Variants in ITGAE observed in about 807,000 individuals in gnomAD.
ITGAE encodes integrin alpha-E.
A neutral mutation model predicts 136.5 loss-of-function variants in ITGAE; 99 were observed. The ratio of observed to expected loss-of-function variants is 0.73; its 90% CI spans 0.62 to 0.86. The LOEUF (loss-of-function observed/expected upper bound fraction) is 0.86, where lower values mean the gene tolerates loss of function less well. ITGAE is among the 40% of genes least tolerant of loss of function. The pLI is 0.00. For synonymous variants in ITGAE, 613 were observed against 591.8 expected (o/e 1.04, Z -0.52); for missense variants, 1,447 against 1,515.3 (o/e 0.95, Z 0.75).
intron 26 of ITGAE, chr17:3,726,642 A>G (rs1409291979): frequency 3.5e-6 from 1 of 288,600 alleles, no homozygotes; most frequent in Non-Finnish European, 6.4e-6. Flanking sequence ...AGCCTGGTCA[A>G]CATAGCAAGA....
At chr17:3,784,944 C>T (rs1248492569) in intron 1 of ITGAE, among the ~76,000 whole-genome samples, 1 of 152,064 alleles carries the variant, frequency 6.6e-6, no homozygotes, top group Non-Finnish European at 1.5e-5. Flanking sequence ...CCAGCCTGGG[C>T]AACATGGCTG....
chr17:3,727,116 A>C (rs955636462), intron 26 of ITGAE, among the ~76,000 whole-genome samples: 1 of 108,334 alleles, frequency 9.2e-6, no homozygotes, highest in Admixed American at 9.1e-5. Flanking sequence ...TAGTCTGAGC[A>C]AAAAAAAAAT....
chr17:3,765,652 ACCGCTCTC>A (rs1414986593), intron 2 of ITGAE, among the ~76,000 whole-genome samples: 1 of 151,984 alleles, frequency 6.6e-6, no homozygotes, highest in Non-Finnish European at 1.5e-5. Context: ...CATCCAACGG[ACCGCTCTC>A]TGTCCTCATC....
intron 12 of ITGAE, chr17:3,754,789 T>A: frequency 1.3e-5 from 3 of 228,364 alleles, no homozygotes; most frequent in African/African-American, 3.2e-5. Flanking sequence ...CCAGGTGGCC[T>A]CTAGGCCCCG....
chr17:3,719,383 G>C (rs2051006581), intron 29 of ITGAE, among the ~76,000 whole-genome samples: 1 of 152,056 alleles, frequency 6.6e-6, no homozygotes. Context: ...TAGCAATCCA[G>C]CATCACTCTC....
chr17:3,716,272 CAG>C (rs34144161), intron 30 of ITGAE, among the ~76,000 whole-genome samples: 57,436 of 151,676 alleles, frequency 0.38, 12,984 homozygotes, highest in South Asian at 0.6. Flanking sequence ...CACATTAAGA[CAG>C]GGGAAGGCAA....
intron 8 of ITGAE, among the ~76,000 whole-genome samples, chr17:3,759,139 A>AC (rs1205499692): frequency 9.3e-5 from 14 of 150,570 alleles, no homozygotes; most frequent in Admixed American, 1.3e-4. Flanking sequence ...AAAAAAACAA[A>AC]AAAAAAAAAC....
intron 15 of ITGAE, among the ~76,000 whole-genome samples, chr17:3,751,087 G>T (rs2051853767): frequency 6.6e-6 from 1 of 152,014 alleles, no homozygotes. Context: ...GGTGTGGGGT[G>T]TGGAGGGGGA....
intron 28 of ITGAE, among the ~76,000 whole-genome samples, chr17:3,721,000 G>A (rs2051038353): frequency 6.6e-6 from 1 of 152,040 alleles, no homozygotes; most frequent in Non-Finnish European, 1.5e-5. Flanking sequence ...ATGATCATGG[G>A]TCACTATAGC....
chr17:3,757,860 C>T lies in ITGAE; in HGVS notation c.867-1G>A. On this transcript the variant is annotated splice_acceptor_variant, in intron 8 of 30. Coordinates refer to ENST00000263087, the MANE Select transcript of ITGAE (RefSeq NM_002208.5). LOFTEE classifies it high-confidence loss of function. ...GTGGCTTGAGGTGAAGATGCTGTCT[C>T]TAAGCAGGGGAGAGTAAATGAAGAA... The T allele has an allele frequency of 1.9e-6, 3 of 1,614,076 alleles. No homozygotes were observed. Among genetic ancestry groups the T allele is most frequent in the Non-Finnish European group, 1.7e-6 (2 of 1,179,998 alleles).
intron 3 of ITGAE, among the ~76,000 whole-genome samples, 175 bp from the exon 4 acceptor site, chr17:3,762,157 G>A (rs1460005694): frequency 6.6e-6 from 1 of 152,188 alleles, no homozygotes; most frequent in Admixed American, 6.5e-5. Context: ...GACTGGACAC[G>A]TTCAGGGCCG....
At chr17:3,751,568 A>G in intron 15 of ITGAE, 82 bp downstream of exon 15, 1 of 1,331,684 alleles carries the variant, frequency 7.5e-7, no homozygotes, top group East Asian at 2.3e-5. Flanking sequence ...CTTAGGACTG[A>G]AGCCGACTTG....
chr17:3,753,371 C>G lies in ITGAE; in HGVS notation c.1587G>C (p.Thr529=). 6.2e-7 allele frequency: 1 copy of G among 1,614,136 alleles called. No homozygotes were observed. The highest frequency in any genetic ancestry group is 1.1e-5 in the South Asian group (1 of 91,080). The change falls in exon 14 of 31, where the codon ACG becomes ACC. Residue 529 remains threonine (T), a synonymous_variant. Coordinates refer to ENST00000263087, the MANE Select transcript of ITGAE (RefSeq NM_002208.5). ...ATGGAGCAGCCACCAGCAAGAAGTC[C>G]GTGCTTCCATCCATGTCAATGTCCA... ...CPVDIDMDGS[T]DFLLVAAPFY...
chr17:3,792,516 G>T (rs560022269), intron 1 of ITGAE, among the ~76,000 whole-genome samples: 1 of 152,166 alleles, frequency 6.6e-6, no homozygotes, highest in East Asian at 1.9e-4. Context: ...GATAAAACTC[G>T]CTTAAAATAA....
At chr17:3,723,645 G>T in intron 27 of ITGAE, 43 bp downstream of exon 27, 1 of 1,527,730 alleles carries the variant, frequency 6.5e-7, no homozygotes, top group Non-Finnish European at 8.8e-7. Context: ...ACCCGCTTCA[G>T]GCCCTCCGCC....
intron 18 of ITGAE, among the ~76,000 whole-genome samples, chr17:3,745,342 A>T (rs926507864): frequency 6.6e-6 from 1 of 151,870 alleles, no homozygotes; most frequent in Non-Finnish European, 1.5e-5. Context: ...TTCTTGATTT[A>T]TTATTATTAT....
At chr17:3,744,211 A>C (rs2051658601) in intron 18 of ITGAE, among the ~76,000 whole-genome samples, 1 of 152,090 alleles carries the variant, frequency 6.6e-6, no homozygotes, top group Non-Finnish European at 1.5e-5. Flanking sequence ...TCATAAGAAG[A>C]AATAAACAAT....
intron 26 of ITGAE, chr17:3,724,695 CCT>C (rs2051164201): frequency 1.2e-6 from 2 of 1,614,072 alleles, no homozygotes; most frequent in African/African-American, 2.7e-5. Flanking sequence ...CTCAGGAACC[CCT>C]GAGGATTCTG....
intron 1 of ITGAE, among the ~76,000 whole-genome samples, chr17:3,788,421 C>G (rs779676770): frequency 2.7e-5 from 4 of 148,184 alleles, no homozygotes; most frequent in African/African-American, 9.9e-5. Flanking sequence ...TTTCGAGTAG[C>G]TGGGACTATA....
Sources: gnomAD v4.1 joint callset for allele counts (sites outside exome capture counted in the v4.1 genomes callset) on GRCh38, gnomAD v4.1.1 for gene constraint, MANE v1.5 for transcripts, NCBI Gene and HGNC (gene_info 2026-07-23, HGNC 2026-07-21) for gene names.